Variants in CRYBG3 observed in about 807,000 individuals in gnomAD.
CRYBG3 encodes the protein very large A-kinase anchor protein.
A neutral mutation model predicts 244.2 loss-of-function variants in CRYBG3; 127 were observed. That is an observed-to-expected ratio of 0.52 (90% CI 0.45 to 0.60). The LOEUF is 0.60. CRYBG3 is among the 20% of genes least tolerant of loss of function. The pLI is 0.00. For missense variants in CRYBG3, 3,325 were observed against 3,442.5 expected, an observed-to-expected ratio of 0.97 and a Z score of 0.85; for synonymous variants, 1,132 against 1,195.8, an observed-to-expected ratio of 0.95 and a Z score of 1.10.
At chr3:97,893,214 C>T (rs1411093513) in intron 11 of CRYBG3, among the ~76,000 whole-genome samples, 1 of 152,126 alleles carries the variant, frequency 6.6e-6, no homozygotes, top group Non-Finnish European at 1.5e-5. Context: ...GTTTCTGAAA[C>T]TGCAGCACCT....
intron 20 of CRYBG3, chr3:97,942,076 G>T (rs1349376497): frequency 5.5e-6 from 2 of 363,728 alleles, no homozygotes; most frequent in Non-Finnish European, 9.8e-6. Context: ...CTCTATTTCA[G>T]TTGGTTTATT....
intron 1 of CRYBG3, among the ~76,000 whole-genome samples, chr3:97,830,205 G>T (rs3856571): frequency 0.22 from 33,270 of 152,114 alleles, 4,141 homozygotes; most frequent in Middle Eastern, 0.3. Context: ...TGTTTTTCAT[G>T]GAGTAAATTA....
rs1212029771 is a variant in CRYBG3 at position 97,842,948 on chromosome 3, T to C, written c.150-247T>C. 2.0e-5 allele frequency among the ~76,000 whole-genome samples: 3 copies of C among 152,208 alleles called. No homozygotes were observed. The East Asian group carries it at 5.8e-4, about 29-fold the overall frequency. On this transcript the variant is annotated intron_variant, in intron 1 of 21. Coordinates refer to ENST00000389622, the MANE Select transcript of CRYBG3 (RefSeq NM_153605.4). ...GTTCAGATATATCATTACTGTGATGTTGATTATCTGTGTAAGAAAATATGA... is the reference window on the plus strand; with the variant it reads ...GTTCAGATATATCATTACTGTGATGCTGATTATCTGTGTAAGAAAATATGA...
In CRYBG3 at chr3:97,874,596, G is replaced by A. The variant is rs186267938; in HGVS notation, c.3402G>A (p.Gly1134=). The change falls in exon 4 of 22, where the codon GGG becomes GGA. Residue 1134 remains glycine (G), a synonymous_variant. Coordinates refer to ENST00000389622, the MANE Select transcript of CRYBG3 (RefSeq NM_153605.4). Reference sequence around the variant, plus strand: ...AGGAACATTTTGGGATTTATACTGGGAAGATATCCATTGATTTCCCAACTG... The same window carrying A: ...AGGAACATTTTGGGATTTATACTGGAAAGATATCCATTGATTTCCCAACTG... ...PFQEHFGIYT[G]KISIDFPTAA... The A allele has an allele frequency of 3.7e-4, 572 of 1,536,022 alleles. 1 individual carries two copies. In the African/African-American group the frequency reaches 6.8e-3, roughly 18 times the overall value.
intron 2 of CRYBG3, among the ~76,000 whole-genome samples, chr3:97,858,048 C>G (rs1428052905): frequency 6.6e-6 from 1 of 151,728 alleles, no homozygotes; most frequent in Non-Finnish European, 1.5e-5. Flanking sequence ...CACCCTTAAG[C>G]ATTTCTTTAA....
At chr3:97,884,377 C>T (rs1478755578) in intron 7 of CRYBG3, among the ~76,000 whole-genome samples, 1 of 151,928 alleles carries the variant, frequency 6.6e-6, no homozygotes, top group Admixed American at 6.6e-5. Context: ...GATATGACAT[C>T]TTTCTTATGG....
chr3:97,900,613 C>G (rs1052125663), intron 15 of CRYBG3, 128 bp downstream of exon 15: 5 of 628,542 alleles, frequency 8.0e-6, no homozygotes, highest in Non-Finnish European at 1.1e-5. Flanking sequence ...ATTACAATTG[C>G]ATTTGGTACC....
chr3:97,933,865 AG>A (rs752501384), intron 18 of CRYBG3, 32 bp downstream of exon 18: 1 of 1,600,490 alleles, frequency 6.2e-7, no homozygotes, highest in Admixed American at 1.7e-5. Context: ...GGTCTGGTTC[AG>A]TTACTGTTTT....
intron 2 of CRYBG3, among the ~76,000 whole-genome samples, chr3:97,852,833 G>A (rs1343044426): frequency 6.6e-6 from 1 of 152,026 alleles, no homozygotes; most frequent in Non-Finnish European, 1.5e-5. Context: ...ATACTCACCA[G>A]CATTTGTTAC....
intron 11 of CRYBG3, among the ~76,000 whole-genome samples, chr3:97,893,443 G>A (rs1440912311): frequency 6.6e-6 from 1 of 152,190 alleles, no homozygotes; most frequent in Non-Finnish European, 1.5e-5. Context: ...TTGCCCTCCG[G>A]GCTCTGAACT....
rs925525104 is a variant in CRYBG3, at chr3:97,943,642, T to C, written c.*328T>C. ...CGTGAATCCTGTTCCTGATGGCCCG[T>C]TATTGGACACTGGTGATGCTATTAT... On this transcript the variant is annotated 3_prime_UTR_variant, in exon 22 of 22. Transcript: ENST00000389622. 3.6e-6 allele frequency: 1 copy of C among 280,030 alleles called. No homozygotes were observed. The highest frequency in any genetic ancestry group is 5.8e-5 in the Admixed American group (1 of 17,138). The allele number at this position is 280,030 out of a possible 1,614,324, so 17.3% of individuals were successfully genotyped here. A position where few individuals can be genotyped will look rare whatever the true frequency, so the allele number is the denominator to read the frequency against.
chr3:97,826,055 C>T (rs6778576), intron 1 of CRYBG3, among the ~76,000 whole-genome samples: 130,927 of 152,234 alleles, frequency 0.86, 56,735 homozygotes, highest in African/African-American at 0.96. Flanking sequence ...GTGAAGATGA[C>T]GAGAGAATTC....
In CRYBG3 at chr3:97,822,130, C is replaced by G; in HGVS notation, c.-77C>G. 1 of 1,323,970 alleles carries G rather than the reference C, an allele frequency of 7.6e-7. No individual in the cohort carries two copies. The highest frequency in any genetic ancestry group is 1.7e-5 in the South Asian group (1 of 57,914). The allele number at this position is 1,323,970 out of a possible 1,614,324, so 82.0% of individuals were successfully genotyped here. ...CTGCCCTAGCCGCATCCCGCGGCGC[C>G]CGGTCGGGCTCCGGGCACCAGGCAA... is the stretch of plus-strand genomic sequence containing the variant. On this transcript the variant is annotated 5_prime_UTR_variant, in exon 1 of 22. Transcript: ENST00000389622.
At chr3:97,851,001 C>T (rs557661683) in intron 2 of CRYBG3, among the ~76,000 whole-genome samples, 187 of 152,030 alleles carry the variant, frequency 1.2e-3, no homozygotes, top group Non-Finnish European at 1.3e-3. Flanking sequence ...GCATGATGGG[C>T]GTGCGCCTGT....
Position 97,874,253 on chromosome 3 carries a change from C to T in CRYBG3, c.3059C>T (p.Ser1020Phe), listed in dbSNP as rs912203334. 1 of 1,535,064 alleles carries T rather than the reference C, an allele frequency of 6.5e-7. No individual in the cohort carries two copies. The highest frequency in any genetic ancestry group is 2.0e-5 in the Admixed American group (1 of 50,796). ...LDSDSSLEKN[S>F]SASEDSSFLK... ...TCTGATTCCAGTTTGGAAAAAAATTCTTCTGCATCTGAGGACTCAAGCTTC... is the reference window on the plus strand; with the variant it reads ...TCTGATTCCAGTTTGGAAAAAAATTTTTCTGCATCTGAGGACTCAAGCTTC... The change falls in exon 4 of 22, where the codon TCT (serine) becomes TTT (phenylalanine). Residue 1020 changes from serine to phenylalanine, a missense_variant. Ser to Phe is a radical substitution (Grantham distance 155). Coordinates refer to ENST00000389622, the MANE Select transcript of CRYBG3 (RefSeq NM_153605.4).
rs2039508251 is a variant in CRYBG3 at position 97,886,487 on chromosome 3, G to A, written c.7153-144G>A. The A allele has an allele frequency of 1.4e-5, 8 of 571,162 alleles. No homozygotes were observed. In the South Asian group the frequency reaches 4.9e-4, roughly 35 times the overall value. 35.4% of individuals were successfully genotyped at this position (571,162 alleles called of 1,614,324 possible). On this transcript the variant is annotated intron_variant, in intron 7 of 21. Coordinates refer to ENST00000389622, the MANE Select transcript of CRYBG3 (RefSeq NM_153605.4). The stretch of plus-strand genomic sequence containing the variant: ...ACTTTTTAAAAAAAAAAAGGGTGAG[G>A]AGAAACAATATTTCCTTTATGTTTT...
chr3:97,907,149 A>T (rs1220989823), intron 15 of CRYBG3, among the ~76,000 whole-genome samples: 12 of 152,296 alleles, frequency 7.9e-5, no homozygotes, highest in African/African-American at 2.9e-4. Context: ...TCGGTTTGCC[A>T]GTATTTTATT....
At chr3:97,825,393 G>A (rs923967398) in intron 1 of CRYBG3, among the ~76,000 whole-genome samples, 6 of 152,302 alleles carry the variant, frequency 3.9e-5, no homozygotes, top group African/African-American at 1.4e-4. Flanking sequence ...AGATGGTAAG[G>A]TGAGAACAGT....
chr3:97,834,074 A>G (rs2038694651), intron 1 of CRYBG3, among the ~76,000 whole-genome samples: 1 of 152,092 alleles, frequency 6.6e-6, no homozygotes, highest in South Asian at 2.1e-4. Context: ...CACCCCCATG[A>G]CCCAAACACC....
Sources: allele counts gnomAD v4.1 joint callset (sites outside exome capture counted in the v4.1 genomes callset), GRCh38; gene constraint gnomAD v4.1.1; transcripts MANE v1.5; gene names NCBI Gene and HGNC (gene_info 2026-07-23, HGNC 2026-07-21).